Variants in HPSE2 observed in about 807,000 individuals in gnomAD.
HPSE2 encodes heparanase 2 (inactive).
Under a neutral mutation model 60.5 loss-of-function variants are expected in HPSE2, and 38 were observed. The observed-to-expected ratio is 0.63, with a 90% CI of 0.48 to 0.82. HPSE2 has a LOEUF of 0.82. HPSE2 is among the 40% of genes least tolerant of loss of function. The pLI is 0.00. For synonymous variants in HPSE2, 295 were observed against 293.2 expected (o/e 1.01, Z -0.06); for missense variants, 713 against 740.4 (o/e 0.96, Z 0.43).
chr10:98,752,315 T>C (rs1949776574), intron 3 of HPSE2, among the ~76,000 whole-genome samples: 1 of 152,204 alleles, frequency 6.6e-6, no homozygotes, highest in Non-Finnish European at 1.5e-5. Context: ...AAATGTGATA[T>C]GGTCTTAAGC....
intron 6 of HPSE2, among the ~76,000 whole-genome samples, chr10:98,654,448 G>C (rs1947004183): frequency 6.6e-6 from 1 of 151,978 alleles, no homozygotes; most frequent in Admixed American, 6.6e-5. Flanking sequence ...TTCAGTTTGG[G>C]CAATTTCTAT....
rs1564832315 is a variant in HPSE2, at chr10:99,132,146, G to GAAGAAGA, written c.610+12091_610+12092insTCTTCTT. 1.3e-3 allele frequency among the ~76,000 whole-genome samples: 38 copies of GAAGAAGA among 28,544 alleles called. 4 individuals carry two copies. Among genetic ancestry groups the GAAGAAGA allele is most frequent in the Non-Finnish European group, 2.4e-3 (27 of 11,188 alleles). 18.7% of individuals were successfully genotyped at this position (28,544 alleles called of 152,430 possible). The stretch of plus-strand genomic sequence containing the variant: ...AAAGAAAGAAAGGAAAGAAAGAAAG[G>GAAGAAGA]AAGAAAGAAAGAAAGAAAGAAAGAA... On this transcript the variant is annotated intron_variant, in intron 3 of 11. Transcript: ENST00000370552.
At chr10:98,517,444 G>GA (rs1441060428) in intron 9 of HPSE2, among the ~76,000 whole-genome samples, 2 of 152,118 alleles carry the variant, frequency 1.3e-5, no homozygotes, top group Non-Finnish European at 2.9e-5. Flanking sequence ...CCTTCCCATA[G>GA]AACATCAGAG....
chr10:98,897,418 C>T (rs1953525907), intron 3 of HPSE2, among the ~76,000 whole-genome samples: 1 of 152,104 alleles, frequency 6.6e-6, no homozygotes, highest in African/African-American at 2.4e-5. Flanking sequence ...TTGGAAGACT[C>T]ACACTATCCA....
intron 3 of HPSE2, among the ~76,000 whole-genome samples, chr10:98,968,072 T>C (rs1417259950): frequency 6.6e-6 from 1 of 152,090 alleles, no homozygotes; most frequent in Non-Finnish European, 1.5e-5. Context: ...TAATTCAAAA[T>C]AAAAACAATA....
intron 3 of HPSE2, among the ~76,000 whole-genome samples, chr10:99,004,721 T>C (rs1956853859): frequency 6.6e-6 from 1 of 151,510 alleles, no homozygotes; most frequent in South Asian, 2.1e-4. Flanking sequence ...GACTGTGTAC[T>C]TACTTTTACT....
At chr10:98,667,600 C>T (rs1035341238) in intron 6 of HPSE2, among the ~76,000 whole-genome samples, 3 of 152,112 alleles carry the variant, frequency 2.0e-5, no homozygotes, top group South Asian at 2.1e-4. Flanking sequence ...GGCATTATTC[C>T]TGATATGCAA....
At chr10:99,044,405 C>G (rs749625676) in intron 3 of HPSE2, among the ~76,000 whole-genome samples, 1 of 152,174 alleles carries the variant, frequency 6.6e-6, no homozygotes, top group East Asian at 1.9e-4. Context: ...CATAAACACA[C>G]TTAAGCACAT....
intron 11 of HPSE2, among the ~76,000 whole-genome samples, chr10:98,470,791 G>A (rs1390229888): frequency 6.6e-6 from 1 of 152,110 alleles, no homozygotes; most frequent in East Asian, 1.9e-4. Flanking sequence ...CCCTAAGTGA[G>A]TGGAGGTGAA....
intron 3 of HPSE2, among the ~76,000 whole-genome samples, chr10:98,945,070 A>G: frequency 6.6e-6 from 1 of 152,306 alleles, no homozygotes; most frequent in East Asian, 1.9e-4. Context: ...TTTAGCTACA[A>G]GATGTATGAC....
At position 98,941,887 on chromosome 10, in the gene HPSE2, G is replaced by A. The variant is rs1269189375; in HGVS notation, c.611-197831C>T. Among the ~76,000 whole-genome samples, 5 of 141,590 alleles carry A rather than the reference G, an allele frequency of 3.5e-5. 1 individual carries two copies. The highest frequency in any genetic ancestry group is 3.5e-4 in the Admixed American group (5 of 14,176). The allele number at this position is 141,590 out of a possible 152,430, so 92.9% of individuals were successfully genotyped here. A position where few individuals can be genotyped will look rare whatever the true frequency, so the allele number is the denominator to read the frequency against. ...GTACTGGTACCAAAACAGAGATATAGATCAATGGAACAGAACAGAGCCCTC... is the reference window on the plus strand; with the variant it reads ...GTACTGGTACCAAAACAGAGATATAAATCAATGGAACAGAACAGAGCCCTC... On this transcript the variant is annotated intron_variant, in intron 3 of 11. Coordinates refer to ENST00000370552, the MANE Select transcript of HPSE2 (RefSeq NM_021828.5).
At chr10:98,889,007 A>G (rs1044768486) in intron 3 of HPSE2, among the ~76,000 whole-genome samples, 1 of 152,108 alleles carries the variant, frequency 6.6e-6, no homozygotes, top group African/African-American at 2.4e-5. Flanking sequence ...CCTGGGCAAA[A>G]TAGCAAGACC....
At chr10:98,778,264 C>CAGAGAG (rs143885408) in intron 3 of HPSE2, among the ~76,000 whole-genome samples, 2,113 of 112,716 alleles carry the variant, frequency 0.019, 152 homozygotes, top group African/African-American at 0.063. Flanking sequence ...GAGAGAGAGA[C>CAGAGAG]AGAGAGAGAG....
At chr10:98,844,654 A>G (rs996569683) in intron 3 of HPSE2, among the ~76,000 whole-genome samples, 1 of 152,184 alleles carries the variant, frequency 6.6e-6, no homozygotes, top group African/African-American at 2.4e-5. Flanking sequence ...GCCTTAGGAA[A>G]GTCGCTTAGC....
chr10:98,723,390 A>C (rs985507857), intron 4 of HPSE2, among the ~76,000 whole-genome samples: 10 of 152,000 alleles, frequency 6.6e-5, no homozygotes, highest in African/African-American at 2.4e-4. Flanking sequence ...GGATTTTTGC[A>C]TCAATGTTCA....
chr10:98,719,772 G>A (rs1472068912), intron 5 of HPSE2, among the ~76,000 whole-genome samples: 3 of 150,590 alleles, frequency 2.0e-5, no homozygotes, highest in Non-Finnish European at 3.0e-5. Flanking sequence ...AGGCCGAGAC[G>A]GGTGGATTAC....
At chr10:98,477,090 T>A (rs569748419) in intron 11 of HPSE2, among the ~76,000 whole-genome samples, 59 of 152,300 alleles carry the variant, frequency 3.9e-4, no homozygotes, top group African/African-American at 1.2e-3. Flanking sequence ...GACTTCTAGC[T>A]TTGTCACTTA....
At chr10:99,106,343 T>C (rs1021308492) in intron 3 of HPSE2, among the ~76,000 whole-genome samples, 11 of 152,120 alleles carry the variant, frequency 7.2e-5, no homozygotes, top group African/African-American at 2.2e-4. Context: ...TAGATGCCCT[T>C]TATCAGAATG....
intron 3 of HPSE2, among the ~76,000 whole-genome samples, chr10:98,942,321 A>C (rs546526302): frequency 6.3e-5 from 9 of 143,854 alleles, no homozygotes; most frequent in African/African-American, 1.4e-4. Flanking sequence ...AAATTTTCGC[A>C]ACCTACTCAT....
Sources: allele counts gnomAD v4.1 joint callset (sites outside exome capture counted in the v4.1 genomes callset), GRCh38; gene constraint gnomAD v4.1.1; transcripts MANE v1.5; gene names NCBI Gene and HGNC (gene_info 2026-07-23, HGNC 2026-07-21).